SGCD: variants seen among roughly 807,000 people sequenced by gnomAD.
The protein encoded by SGCD is sarcoglycan delta.
A neutral mutation model predicts 36.6 loss-of-function variants in SGCD; 18 were observed. The ratio of observed to expected loss-of-function variants is 0.49; its 90% confidence interval spans 0.34 to 0.73. The LOEUF (loss-of-function observed/expected upper bound fraction) is 0.73. Ranked by LOEUF, SGCD falls within the 30% of genes least tolerant of loss-of-function variation. SGCD has a pLI of 0.01. For synonymous variants in SGCD, 133 were observed against 130.6 expected (o/e 1.02, Z -0.12); for missense variants, 387 against 346.7 (o/e 1.12, Z -0.92).
At chr5:156,422,959 G>A (rs1272886437) in intron 3 of SGCD, among the ~76,000 whole-genome samples, 1 of 151,126 alleles carries the variant, frequency 6.6e-6, no homozygotes, top group African/African-American at 2.4e-5. Context: ...TGCACAGGGT[G>A]AGACCAAGAA....
chr5:155,987,216 C>T (rs897145640), intron 1 of SGCD, among the ~76,000 whole-genome samples: 1 of 152,232 alleles, frequency 6.6e-6, no homozygotes, highest in East Asian at 1.9e-4. Flanking sequence ...TTTGAACACT[C>T]CTATCTCAGG....
rs150986526 is a variant in SGCD, at chr5:156,116,067, T to C, written c.-281-1811T>C. 3.1e-4 allele frequency among the ~76,000 whole-genome samples: 47 copies of C among 152,264 alleles called. No homozygotes were observed. In the East Asian group the frequency reaches 9.1e-3, roughly 29 times the overall value. On this transcript the variant is annotated intron_variant, in intron 1 of 9. Coordinates refer to the SGCD transcript ENST00000517913. ...AAACTTTGATCTTAAAATTTTATTA[T>C]TTTGTCCTCATTTTTGGTGAAAAAC...
At chr5:155,815,640 A>G in the SGCD span, among the ~76,000 whole-genome samples, 1 of 152,192 alleles carries the variant, frequency 6.6e-6, no homozygotes, top group African/African-American at 2.4e-5. Flanking sequence ...GCAAAAGGGA[A>G]GCAGACACAT....
At chr5:156,036,433 A>G (rs1467388336) in intron 1 of SGCD, among the ~76,000 whole-genome samples, 1 of 152,164 alleles carries the variant, frequency 6.6e-6, no homozygotes, top group African/African-American at 2.4e-5. Flanking sequence ...GAAGAAATTT[A>G]AAGCAAAGAA....
At chr5:156,048,840 T>C (rs1759843372) in intron 1 of SGCD, among the ~76,000 whole-genome samples, 1 of 152,144 alleles carries the variant, frequency 6.6e-6, no homozygotes, top group African/African-American at 2.4e-5. Flanking sequence ...TAGATCCCAT[T>C]TGTCAATTTT....
chr5:156,469,927 G>A (rs769665109), intron 3 of SGCD, among the ~76,000 whole-genome samples: 30 of 152,324 alleles, frequency 2.0e-4, no homozygotes, highest in Admixed American at 5.9e-4. Context: ...GGCCTCTCAT[G>A]CTGCTAGTTC....
At chr5:156,499,563 C>T (rs1049220063) in intron 3 of SGCD, among the ~76,000 whole-genome samples, 3 of 152,046 alleles carry the variant, frequency 2.0e-5, no homozygotes, top group Non-Finnish European at 4.4e-5. Flanking sequence ...TAATCATAAC[C>T]AAAGGACTGC....
At chr5:156,329,626 T>C in intron 2 of SGCD, 47 bp downstream of exon 2, 1 of 1,570,992 alleles carries the variant, frequency 6.4e-7, no homozygotes, top group Non-Finnish European at 8.7e-7. Flanking sequence ...CTGCTCATGG[T>C]CATTTTATTA....
chr5:156,035,464 G>A (rs1246918173), intron 1 of SGCD, among the ~76,000 whole-genome samples: 1 of 152,022 alleles, frequency 6.6e-6, no homozygotes, highest in Non-Finnish European at 1.5e-5. Flanking sequence ...AAAAACATTA[G>A]CCAGGTATGG....
intron 3 of SGCD, among the ~76,000 whole-genome samples, chr5:156,422,865 A>T (rs1773382847): frequency 6.6e-6 from 1 of 151,886 alleles, no homozygotes; most frequent in African/African-American, 2.4e-5. Flanking sequence ...AGAACCACTG[A>T]TGTAAAGTGA....
chr5:156,226,764 A>AT (rs201341331), intron 3 of SGCD, among the ~76,000 whole-genome samples: 89 of 149,486 alleles, frequency 6.0e-4, no homozygotes, highest in Admixed American at 1.3e-3. Context: ...CTATTTTTAG[A>AT]TTTTTTTTTT....
chr5:156,350,371 A>T (rs1420266261), intron 3 of SGCD, among the ~76,000 whole-genome samples: 1 of 150,254 alleles, frequency 6.7e-6, no homozygotes. Context: ...CTGTAATCAA[A>T]CCCCCTGTGT....
At chr5:156,200,912 A>G (rs1488481167) in intron 3 of SGCD, among the ~76,000 whole-genome samples, 1 of 152,194 alleles carries the variant, frequency 6.6e-6, no homozygotes. Context: ...GCAGCTTTAA[A>G]ACAGGAAGGA....
chr5:156,018,595 A>C (rs954902179), intron 1 of SGCD, among the ~76,000 whole-genome samples: 2 of 152,222 alleles, frequency 1.3e-5, no homozygotes, highest in Admixed American at 1.3e-4. Context: ...TCATCCAGCC[A>C]TCATTTATCC....
intron 6 of SGCD, 51 bp from the exon 7 acceptor site, chr5:156,647,413 A>T (rs1232015038): frequency 7.9e-7 from 1 of 1,261,024 alleles, no homozygotes; most frequent in African/African-American, 1.5e-5. Context: ...TTGTGCCTAC[A>T]GGTGACTCCA....
chr5:156,045,232 A>G (rs1427063868), intron 1 of SGCD, among the ~76,000 whole-genome samples: 2 of 152,148 alleles, frequency 1.3e-5, no homozygotes, highest in African/African-American at 4.8e-5. Flanking sequence ...TCACAACAGC[A>G]ATGAACTTTC....
intron 5 of SGCD, 26 bp from the exon 6 acceptor site, chr5:156,594,906 T>C (rs1287890846): frequency 2.7e-6 from 4 of 1,489,834 alleles, no homozygotes; most frequent in Non-Finnish European, 2.8e-6. Flanking sequence ...CTCCTCTCTA[T>C]CTCTCTATCT....
At chr5:155,772,877 G>C in the SGCD span, among the ~76,000 whole-genome samples, 4 of 151,874 alleles carry the variant, frequency 2.6e-5, no homozygotes, top group African/African-American at 7.3e-5. Flanking sequence ...AGACACTTCC[G>C]GTAGGGCAAG....
At chr5:156,361,906 T>C (rs984994771) in intron 3 of SGCD, among the ~76,000 whole-genome samples, 1 of 152,146 alleles carries the variant, frequency 6.6e-6, no homozygotes, top group African/African-American at 2.4e-5. Flanking sequence ...TGCATGTGGA[T>C]TACTTTGGAC....
Sources: allele counts gnomAD v4.1 joint callset (sites outside exome capture counted in the v4.1 genomes callset), GRCh38; gene constraint gnomAD v4.1.1; transcripts MANE v1.5; gene names NCBI Gene and HGNC (gene_info 2026-07-23, HGNC 2026-07-21).